JAZF1: variants seen among roughly 807,000 people sequenced by gnomAD.
JAZF1 encodes juxtaposed with another zinc finger protein 1.
A neutral mutation model predicts 26.4 loss-of-function variants in JAZF1; 8 were observed. That is an observed-to-expected ratio of 0.30 (90% CI 0.18 to 0.55). The LOEUF is 0.55. JAZF1 is among the 20% of genes least tolerant of loss of function. The probability of loss-of-function intolerance (pLI) is 0.94; values close to 1 mark genes in which losing one functional copy is unlikely to be tolerated. For missense variants in JAZF1, 199 were observed against 322.0 expected, an observed-to-expected ratio of 0.62 and a Z score of 2.92; for synonymous variants, 126 against 122.3, an observed-to-expected ratio of 1.03 and a Z score of -0.20.
chr7:27,839,231 T>C (rs1238439023), intron 4 of JAZF1, among the ~76,000 whole-genome samples: 2 of 152,080 alleles, frequency 1.3e-5, no homozygotes, highest in Non-Finnish European at 2.9e-5. Flanking sequence ...GCTTTTAACA[T>C]GGCCGAGGTG....
chr7:27,908,017 T>C (rs1784293188), intron 2 of JAZF1, among the ~76,000 whole-genome samples: 2 of 152,240 alleles, frequency 1.3e-5, no homozygotes, highest in Non-Finnish European at 2.9e-5. Flanking sequence ...TACCCTGGCC[T>C]GGGCATTTGG....
chr7:28,021,637 G>A (rs1783009515), intron 1 of JAZF1, among the ~76,000 whole-genome samples: 1 of 152,166 alleles, frequency 6.6e-6, no homozygotes, highest in Admixed American at 6.5e-5. Context: ...GGTGGGGCAG[G>A]GTCGGAGGAC....
rs548266095 is a variant in JAZF1, at chr7:27,853,739, CAGTT to C, written c.386-12876_386-12873del. Among the ~76,000 whole-genome samples, 1,306 of 152,226 alleles carry C rather than the reference CAGTT, an allele frequency of 8.6e-3. 21 individuals are homozygous for C. Among genetic ancestry groups the C allele is most frequent in the African/African-American group, 0.03 (1,240 of 41,532 alleles). Reference sequence around the variant, plus strand: ...TTTGATTGCACTGTGGTGTGAGAGACAGTTTGTTGTGATTTCTGTTCGTTTGCAT... The same window carrying C: ...TTTGATTGCACTGTGGTGTGAGAGACTGTTGTGATTTCTGTTCGTTTGCAT... On this transcript the variant is annotated intron_variant, in intron 3 of 4. Transcript: ENST00000283928.
chr7:28,057,877 C>A (rs1783737575), intron 1 of JAZF1, among the ~76,000 whole-genome samples: 1 of 152,146 alleles, frequency 6.6e-6, no homozygotes, highest in Admixed American at 6.5e-5. Context: ...CAACTCTATT[C>A]ATCTTTTCAA....
chr7:28,093,602 T>A (rs1306413925), intron 1 of JAZF1, among the ~76,000 whole-genome samples: 2 of 152,202 alleles, frequency 1.3e-5, no homozygotes, highest in Non-Finnish European at 2.9e-5. Context: ...TCCTTTCAAT[T>A]TACTAAAAAT....
intron 1 of JAZF1, among the ~76,000 whole-genome samples, chr7:28,120,922 G>A (rs1460743163): frequency 1.3e-5 from 2 of 152,102 alleles, no homozygotes; most frequent in Non-Finnish European, 2.9e-5. Context: ...GGGTTCCACT[G>A]GGCATGGTGG....
At chr7:28,009,300 C>T (rs1782757962) in intron 1 of JAZF1, among the ~76,000 whole-genome samples, 1 of 151,936 alleles carries the variant, frequency 6.6e-6, no homozygotes, top group African/African-American at 2.4e-5. Flanking sequence ...AATCTCTCCT[C>T]CCTTCAGCCC....
chr7:27,912,554 G>GA (rs1173651457), intron 2 of JAZF1, among the ~76,000 whole-genome samples: 1 of 152,154 alleles, frequency 6.6e-6, no homozygotes, highest in East Asian at 1.9e-4. Context: ...GGAGGTGGGT[G>GA]ATGCAGAGAG....
chr7:27,838,891 G>A (rs542574773), intron 4 of JAZF1, among the ~76,000 whole-genome samples: 130 of 152,294 alleles, frequency 8.5e-4, no homozygotes, highest in Admixed American at 2.6e-3. Context: ...TCACCTGCCA[G>A]TTAATGGGGC....
In JAZF1 at chr7:28,058,828, C is replaced by T. The variant is rs76341914; in HGVS notation, c.116-66847G>A. 9.5e-3 allele frequency among the ~76,000 whole-genome samples: 1,445 copies of T among 152,170 alleles called. 25 individuals carry two copies. Among genetic ancestry groups the T allele is most frequent in the African/African-American group, 0.033 (1,382 of 41,520 alleles). On this transcript the variant is annotated intron_variant, in intron 1 of 4. Coordinates refer to ENST00000283928, the MANE Select transcript of JAZF1 (RefSeq NM_175061.4). ...ATAGTGCAATTTTCTTAAATATTTT[C>T]ATTGCAGTCAATTTTCTCAAGTATT...
chr7:27,920,129 G>A (rs1199835077), intron 2 of JAZF1, among the ~76,000 whole-genome samples: 1 of 152,174 alleles, frequency 6.6e-6, no homozygotes, highest in Non-Finnish European at 1.5e-5. Context: ...CTATGGTGAT[G>A]TTTTAGTACA....
intron 1 of JAZF1, among the ~76,000 whole-genome samples, chr7:28,137,641 G>A (rs1341000844): frequency 6.6e-6 from 1 of 152,112 alleles, no homozygotes; most frequent in East Asian, 1.9e-4. Context: ...GGATATAGAT[G>A]GCAGTGGTTT....
At chr7:28,103,605 C>G (rs1784507046) in intron 1 of JAZF1, among the ~76,000 whole-genome samples, 1 of 152,258 alleles carries the variant, frequency 6.6e-6, no homozygotes, top group South Asian at 2.1e-4. Flanking sequence ...GAATGCCAAC[C>G]AAATCCTTCC....
At chr7:28,059,191 T>TA (rs143869609) in intron 1 of JAZF1, among the ~76,000 whole-genome samples, 8,512 of 152,272 alleles carry the variant, frequency 0.056, 417 homozygotes, top group African/African-American at 0.13. Flanking sequence ...ATTATTAATT[T>TA]ACCAGGTTTC....
At position 27,895,397 on chromosome 7, in the gene JAZF1, G is replaced by A. The variant is rs1784044380; in HGVS notation, c.208C>T (p.Arg70Cys). The change falls in exon 3 of 5, where the codon CGC becomes TGC. Residue 70 changes from arginine to cysteine, a missense_variant. Physicochemically the swap from Arg to Cys is radical, Grantham distance 180. Coordinates refer to ENST00000283928, the MANE Select transcript of JAZF1 (RefSeq NM_175061.4). ...TTCTTTAGGGACTCCTGCTCTCGGC[G>A]GGCAGCATCTGTCATGAATCTGAAA... ...YINRFMTDAA[R>C]REQESLKKKI... The A allele has an allele frequency of 6.2e-7, 1 of 1,603,684 alleles. No individual in the cohort carries two copies. Among genetic ancestry groups the A allele is most frequent in the Admixed American group, 1.7e-5 (1 of 58,568 alleles).
chr7:28,133,061 C>CA (rs1306238397), intron 1 of JAZF1, among the ~76,000 whole-genome samples: 1 of 152,136 alleles, frequency 6.6e-6, no homozygotes, highest in Non-Finnish European at 1.5e-5. Context: ...CACCTCTTCC[C>CA]AAAAAAGATC....
At chr7:27,882,857 G>A (rs1321409917) in intron 3 of JAZF1, among the ~76,000 whole-genome samples, 4 of 152,192 alleles carry the variant, frequency 2.6e-5, no homozygotes, top group Non-Finnish European at 5.9e-5. Context: ...GAGAAAAGGT[G>A]TCTTTGGAAA....
chr7:27,921,486 T>G (rs1320032803), intron 2 of JAZF1, among the ~76,000 whole-genome samples: 1 of 152,128 alleles, frequency 6.6e-6, no homozygotes, highest in Non-Finnish European at 1.5e-5. Flanking sequence ...TTGTCAAAAC[T>G]TCGTAAATCA....
At chr7:27,887,511 G>A (rs1357561410) in intron 3 of JAZF1, among the ~76,000 whole-genome samples, 3 of 152,094 alleles carry the variant, frequency 2.0e-5, no homozygotes, top group African/African-American at 7.2e-5. Context: ...TGCCTCCCAG[G>A]TCCAACTGAT....
Sources: gnomAD v4.1 joint callset for allele counts (sites outside exome capture counted in the v4.1 genomes callset) on GRCh38, gnomAD v4.1.1 for gene constraint, MANE v1.5 for transcripts, NCBI Gene and HGNC (gene_info 2026-07-23, HGNC 2026-07-21) for gene names.